Variants in SYNDIG1 observed in about 807,000 individuals in gnomAD.
The protein encoded by SYNDIG1 is synapse differentiation inducing 1.
Under a neutral mutation model 19.4 loss-of-function variants are expected in SYNDIG1, and 9 were observed. The observed-to-expected ratio is 0.46, with a 90% confidence interval of 0.28 to 0.81. The LOEUF is 0.81. Among genes scored for constraint, SYNDIG1 ranks in the 30% least tolerant of loss-of-function variants. The pLI is 0.12. For synonymous variants in SYNDIG1, 141 were observed against 145.9 expected (o/e 0.97, Z 0.24); for missense variants, 311 against 343.3 (o/e 0.91, Z 0.74).
Position 24,584,434 on chromosome 20 carries a change from C to T in SYNDIG1, c.481-422C>T, listed in dbSNP as rs567701456. ...TCTCCAGTCCATCCTCAGAACACAC[C>T]GACAGTGCATGGTGGCAACGGGGCC... On this transcript the variant is annotated intron_variant, in intron 2 of 3. Coordinates refer to ENST00000376862, the MANE Select transcript of SYNDIG1 (RefSeq NM_024893.3). 4.0e-4 allele frequency among the ~76,000 whole-genome samples: 61 copies of T among 152,276 alleles called. 1 individual carries two copies. The highest frequency in any genetic ancestry group is 3.9e-3 in the Admixed American group (60 of 15,290).
intron 3 of SYNDIG1, among the ~76,000 whole-genome samples, chr20:24,655,130 G>C (rs1336619040): frequency 6.6e-6 from 1 of 152,176 alleles, no homozygotes; most frequent in Admixed American, 6.5e-5. Context: ...GCATCAAAGA[G>C]CAATCAGCTT....
chr20:24,599,572 G>T (rs541679920), intron 3 of SYNDIG1, among the ~76,000 whole-genome samples: 2 of 152,294 alleles, frequency 1.3e-5, no homozygotes, highest in South Asian at 4.1e-4. Context: ...GCAAAAATAT[G>T]GAATCAACCG....
At chr20:24,614,753 A>G (rs2058903486) in intron 3 of SYNDIG1, among the ~76,000 whole-genome samples, 13 of 152,176 alleles carry the variant, frequency 8.5e-5, no homozygotes, top group Admixed American at 6.5e-4. Flanking sequence ...TAAAGTGCTA[A>G]TTATTGACAA....
intron 3 of SYNDIG1, among the ~76,000 whole-genome samples, chr20:24,633,716 G>C (rs543693004): frequency 7.2e-5 from 11 of 152,274 alleles, no homozygotes; most frequent in Admixed American, 5.2e-4. Context: ...CTCTGGGGAC[G>C]GGGCTGGCAG....
chr20:24,653,237 G>A (rs1022748621), intron 3 of SYNDIG1, among the ~76,000 whole-genome samples: 8 of 152,140 alleles, frequency 5.3e-5, no homozygotes, highest in East Asian at 1.9e-4. Flanking sequence ...GAAAGCGCAC[G>A]GAGGAGTGGT....
At chr20:24,504,054 G>A (rs1374590734) in intron 1 of SYNDIG1, among the ~76,000 whole-genome samples, 1 of 147,030 alleles carries the variant, frequency 6.8e-6, no homozygotes, top group African/African-American at 2.6e-5. Context: ...CCACCTCCCA[G>A]GCTCACGCCA....
chr20:24,505,120 G>A (rs570790636), intron 1 of SYNDIG1, among the ~76,000 whole-genome samples: 4 of 152,200 alleles, frequency 2.6e-5, no homozygotes, highest in South Asian at 2.1e-4. Context: ...GGGTCTGTGC[G>A]TGTCCAGCTT....
Position 24,560,694 on chromosome 20 carries a change from C to CTTTTTTTTTTTT in SYNDIG1, c.480+17127_480+17138dup, listed in dbSNP as rs10658853. On this transcript the variant is annotated intron_variant, in intron 2 of 3. Transcript: ENST00000376862. ...CCCCCGAGACAGTTTCTGTTGACTA[C>CTTTTTTTTTTTT]TTTTTTTTTTTTTTTTTTTTTAAAC... is the stretch of plus-strand genomic sequence containing the variant. Among the ~76,000 whole-genome samples, 6 of 113,822 alleles carry CTTTTTTTTTTTT rather than the reference C, an allele frequency of 5.3e-5. 1 individual carries two copies. The highest frequency in any genetic ancestry group is 9.1e-5 in the Non-Finnish European group (5 of 54,894). 74.7% of individuals were successfully genotyped at this position (113,822 alleles called of 152,430 possible). A position where few individuals can be genotyped will look rare whatever the true frequency, so the allele number is the denominator to read the frequency against.
chr20:24,633,428 G>A (rs937171187), intron 3 of SYNDIG1, among the ~76,000 whole-genome samples: 3 of 152,178 alleles, frequency 2.0e-5, no homozygotes, highest in South Asian at 4.1e-4. Context: ...CACCCAGCAC[G>A]GGAGCAGGTG....
chr20:24,519,905 G>T (rs891106035), intron 1 of SYNDIG1, among the ~76,000 whole-genome samples: 1 of 152,076 alleles, frequency 6.6e-6, no homozygotes, highest in Non-Finnish European at 1.5e-5. Context: ...CATCACTGTA[G>T]ATTAAACTCA....
chr20:24,571,286 G>A (rs1271396660), intron 2 of SYNDIG1, among the ~76,000 whole-genome samples: 2 of 152,280 alleles, frequency 1.3e-5, no homozygotes, highest in Non-Finnish European at 2.9e-5. Context: ...GGTGAAATCC[G>A]ATTAAGGTCT....
At chr20:24,590,296 G>GAGTGGGGAA (rs2058487393) in intron 3 of SYNDIG1, among the ~76,000 whole-genome samples, 2 of 151,950 alleles carry the variant, frequency 1.3e-5, no homozygotes, top group Admixed American at 1.3e-4. Flanking sequence ...GCTGGGGGCC[G>GAGTGGGGAA]CGGGTGTGGA....
chr20:24,651,511 C>T (rs1054603800), intron 3 of SYNDIG1, among the ~76,000 whole-genome samples: 1 of 152,164 alleles, frequency 6.6e-6, no homozygotes, highest in Non-Finnish European at 1.5e-5. Context: ...CAGTAAAGCA[C>T]ACATTGGAGT....
chr20:24,598,256 C>T (rs772987256), intron 3 of SYNDIG1, among the ~76,000 whole-genome samples: 33 of 151,866 alleles, frequency 2.2e-4, no homozygotes, highest in South Asian at 4.1e-4. Flanking sequence ...GTGCTTTAGA[C>T]GCACAATTCC....
In SYNDIG1 at chr20:24,660,433, T is replaced by C. The variant is rs139132908; in HGVS notation, c.619-4913T>C. ...GTTGCCTCTTGGCCTTGCTGGAGGG[T>C]CCATGTACAGCATGTTCTAAGCATG... On this transcript the variant is annotated intron_variant, in intron 3 of 3. Coordinates refer to ENST00000376862, the MANE Select transcript of SYNDIG1 (RefSeq NM_024893.3). Among the ~76,000 whole-genome samples, 643 of 152,218 alleles carry C rather than the reference T, an allele frequency of 4.2e-3. 1 individual carries two copies. The highest frequency in any genetic ancestry group is 0.034 in the Middle Eastern group (10 of 294).
chr20:24,596,170 A>G (rs1600709640), intron 3 of SYNDIG1, among the ~76,000 whole-genome samples: 1 of 152,226 alleles, frequency 6.6e-6, no homozygotes, highest in East Asian at 1.9e-4. Flanking sequence ...TGTTCTCATT[A>G]GTTTCAAAGA....
chr20:24,496,397 A>G (rs539500853), intron 1 of SYNDIG1, among the ~76,000 whole-genome samples: 5 of 152,244 alleles, frequency 3.3e-5, no homozygotes, highest in South Asian at 4.2e-4. Flanking sequence ...ATTTCTTCCA[A>G]TGAGATGTCT....
chr20:24,561,386 C>G (rs939798856), intron 2 of SYNDIG1, among the ~76,000 whole-genome samples: 1 of 152,208 alleles, frequency 6.6e-6, no homozygotes, highest in African/African-American at 2.4e-5. Flanking sequence ...GAGTTATAGC[C>G]TTAGACTAGG....
rs2146723022 is a variant in SYNDIG1 at position 24,543,254 on chromosome 20, G to A, written c.157G>A (p.Val53Met). ...YPAPQYQSHR[V>M]GASTVPASLD... ...AGCGCCCCAGTACCAGAGCCACCGG[G>A]TGGGGGCCAGCACAGTGCCGGCCAG... Residue 53 changes from valine (V) to methionine (M), a missense_variant, in exon 2 of 4, where the codon GTG becomes ATG. Physicochemically the swap from Val to Met is conservative, Grantham distance 21. Transcript: ENST00000376862. 1.9e-6 allele frequency: 3 copies of A among 1,613,748 alleles called. No individual in the cohort carries two copies. The highest frequency in any genetic ancestry group is 2.2e-5 in the East Asian group (1 of 44,878).
Sources: allele counts gnomAD v4.1 joint callset (sites outside exome capture counted in the v4.1 genomes callset), GRCh38; gene constraint gnomAD v4.1.1; transcripts MANE v1.5; gene names NCBI Gene and HGNC (gene_info 2026-07-23, HGNC 2026-07-21).